KIAA1671: variants seen among roughly 807,000 people sequenced by gnomAD.
The protein encoded by KIAA1671 is KIAA1671.
A neutral mutation model predicts 131.2 loss-of-function variants in KIAA1671; 52 were observed. The observed-to-expected ratio is 0.40, with a 90% confidence interval of 0.32 to 0.50. The LOEUF (loss-of-function observed/expected upper bound fraction) is 0.50, where lower values mean the gene tolerates loss of function less well. Ranked by LOEUF, KIAA1671 falls within the 20% of genes least tolerant of loss-of-function variation. KIAA1671 has a pLI of 0.73. For synonymous variants in KIAA1671, 1,003 were observed against 961.6 expected (o/e 1.04, Z -0.80); for missense variants, 2,360 against 2,364.2 (o/e 1.00, Z 0.04).
intron 6 of KIAA1671, among the ~76,000 whole-genome samples, chr22:25,123,190 GTTTTTTTT>G (rs59051108): frequency 1.6e-5 from 1 of 63,376 alleles, no homozygotes; most frequent in Non-Finnish European, 2.6e-5. Context: ...CTGAGATGAG[GTTTTTTTT>G]TTTTTTTTTT....
intron 1 of KIAA1671, among the ~76,000 whole-genome samples, chr22:24,973,395 T>TG (rs796590643): frequency 0.26 from 24,925 of 96,852 alleles, 3,134 homozygotes; most frequent in East Asian, 0.67. Flanking sequence ...GATGGTTTTT[T>TG]TTTTTTTTTT....
intron 6 of KIAA1671, among the ~76,000 whole-genome samples, chr22:25,101,980 G>A (rs1930707250): frequency 6.6e-6 from 1 of 152,204 alleles, no homozygotes. Context: ...GAAACGGGAG[G>A]TGTCTCAGAG....
At chr22:25,010,648 A>G (rs1924985671) in intron 1 of KIAA1671, 1 of 152,188 alleles carries the variant, frequency 6.6e-6, no homozygotes, top group Admixed American at 6.5e-5. Flanking sequence ...CCGTTAAAGG[A>G]ACCACAGCCA....
At chr22:25,179,835 G>C (rs1934203109) in intron 9 of KIAA1671, among the ~76,000 whole-genome samples, 1 of 152,184 alleles carries the variant, frequency 6.6e-6, no homozygotes. Flanking sequence ...TGAGTTGAAA[G>C]ATCAGTCCAT....
At chr22:25,135,778 G>A (rs78326203) in intron 6 of KIAA1671, among the ~76,000 whole-genome samples, 3,040 of 152,294 alleles carry the variant, frequency 0.02, 44 homozygotes, top group Middle Eastern at 0.058. Context: ...TTGGTTCTGC[G>A]TTTCCAGTTC....
Position 25,193,142 on chromosome 22 carries a change from A to T in KIAA1671, c.*741A>T, listed in dbSNP as rs1934722804. The T allele has an allele frequency of 6.6e-6, 1 of 152,196 alleles. No homozygotes were observed. Among genetic ancestry groups the T allele is most frequent in the Non-Finnish European group, 1.5e-5 (1 of 68,032 alleles). The allele number at this position is 152,196 out of a possible 1,614,324, so 9.4% of individuals were successfully genotyped here. ...GATAGGTATATATGTGTTTACGTTA[A>T]AGGACAGGAGGAAAGATGTGCGAAT... On this transcript the variant is annotated 3_prime_UTR_variant, in exon 13 of 13. Transcript: ENST00000358431.
At chr22:25,179,055 G>A (rs1345434385) in intron 9 of KIAA1671, among the ~76,000 whole-genome samples, 2 of 152,198 alleles carry the variant, frequency 1.3e-5, no homozygotes, top group Non-Finnish European at 2.9e-5. Context: ...GGCCCCCGGG[G>A]GACCCAGCCG....
chr22:25,066,428 G>A (rs1928478926), intron 6 of KIAA1671, among the ~76,000 whole-genome samples: 1 of 152,050 alleles, frequency 6.6e-6, no homozygotes. Flanking sequence ...GAATTACAGG[G>A]GTGAGCCACC....
intron 1 of KIAA1671, among the ~76,000 whole-genome samples, chr22:24,969,818 A>G (rs1922507428): frequency 6.6e-6 from 1 of 152,226 alleles, no homozygotes; most frequent in Non-Finnish European, 1.5e-5. Context: ...CCCAGTATGA[A>G]CTTCAGCTTC....
At chr22:25,031,342 G>A (rs887557779) in intron 3 of KIAA1671, among the ~76,000 whole-genome samples, 1 of 151,918 alleles carries the variant, frequency 6.6e-6, no homozygotes, top group East Asian at 1.9e-4. Context: ...GACTACAGGC[G>A]TCAGCCACCA....
intron 6 of KIAA1671, among the ~76,000 whole-genome samples, chr22:25,089,621 T>G (rs557394653): frequency 6.6e-6 from 1 of 152,304 alleles, no homozygotes; most frequent in Non-Finnish European, 1.5e-5. Context: ...TGCATAGTTA[T>G]CAATGTCCTG....
chr22:25,008,519 A>G (rs765465689), intron 1 of KIAA1671, among the ~76,000 whole-genome samples: 1 of 152,172 alleles, frequency 6.6e-6, no homozygotes, highest in East Asian at 1.9e-4. Flanking sequence ...CACAGCCACT[A>G]TTGATGCTTC....
rs71191010 is a variant in KIAA1671 at position 24,979,170 on chromosome 22, ATTT to A, written c.-208+26420_-208+26422del. ...ATCACCATGCCTGGCTAATTTTTGTATTTTTTTTTTTTTTTTTTTTTTTTAGTA... is the reference window on the plus strand; with the variant it reads ...ATCACCATGCCTGGCTAATTTTTGTATTTTTTTTTTTTTTTTTTTTTAGTA... On this transcript the variant is annotated intron_variant, in intron 1 of 12. Transcript: ENST00000358431. Among the ~76,000 whole-genome samples, 415 of 81,712 alleles carry A rather than the reference ATTT, an allele frequency of 5.1e-3. 4 individuals carry two copies. Among genetic ancestry groups the A allele is most frequent in the African/African-American group, 0.019 (342 of 18,058 alleles). 53.6% of individuals were successfully genotyped at this position (81,712 alleles called of 152,430 possible). A position where few individuals can be genotyped will look rare whatever the true frequency, so the allele number is the denominator to read the frequency against.
chr22:25,089,448 A>G (rs1929910309), intron 6 of KIAA1671, among the ~76,000 whole-genome samples: 1 of 151,304 alleles, frequency 6.6e-6, no homozygotes, highest in Non-Finnish European at 1.5e-5. Flanking sequence ...CTAATTTTGT[A>G]TTTTTAGTAG....
At chr22:25,034,919 A>T (rs1261464624) in intron 4 of KIAA1671, among the ~76,000 whole-genome samples, 2 of 149,060 alleles carry the variant, frequency 1.3e-5, no homozygotes, top group Non-Finnish European at 3.0e-5. Flanking sequence ...TTGTATTTTT[A>T]GTAGAGATGG....
intron 6 of KIAA1671, among the ~76,000 whole-genome samples, chr22:25,099,513 A>G (rs1461999452): frequency 9.1e-6 from 1 of 110,136 alleles, no homozygotes; most frequent in Non-Finnish European, 1.9e-5. Context: ...ATTTCTCTTT[A>G]TAAGTTTGTC....
chr22:24,984,077 C>T (rs374768640), intron 1 of KIAA1671, among the ~76,000 whole-genome samples: 52 of 152,156 alleles, frequency 3.4e-4, no homozygotes, highest in African/African-American at 1.2e-3. Flanking sequence ...CGCGCCTGGC[C>T]GGTGTTTGGA....
intron 6 of KIAA1671, among the ~76,000 whole-genome samples, chr22:25,103,369 C>T (rs573808116): frequency 3.3e-4 from 50 of 152,156 alleles, no homozygotes; most frequent in Middle Eastern, 6.8e-3. Flanking sequence ...CACCACCGCA[C>T]CCGGCTAAAG....
intron 6 of KIAA1671, among the ~76,000 whole-genome samples, chr22:25,158,079 C>T (rs1933305996): frequency 6.6e-6 from 1 of 152,194 alleles, no homozygotes; most frequent in South Asian, 2.1e-4. Context: ...CCTCGGCCTC[C>T]CAAAGTCCTG....
Sources: allele counts gnomAD v4.1 joint callset (sites outside exome capture counted in the v4.1 genomes callset), GRCh38; gene constraint gnomAD v4.1.1; transcripts MANE v1.5; gene names NCBI Gene and HGNC (gene_info 2026-07-23, HGNC 2026-07-21).